The following CSNK1G1 variants were observed in gnomAD, a reference collection of about 807,000 sequenced individuals.
CSNK1G1 encodes casein kinase 1 gamma 1, also known as casein kinase I isoform gamma-1.
CSNK1G1 carries 22 observed loss-of-function variants against 59.6 expected under a neutral mutation model. The observed-to-expected ratio is 0.37, with a 90% CI of 0.26 to 0.53. The LOEUF (loss-of-function observed/expected upper bound fraction) is 0.53, where lower values mean the gene tolerates loss of function less well. Ranked by LOEUF, CSNK1G1 falls within the 20% of genes least tolerant of loss-of-function variation. The pLI is 0.89. For missense variants in CSNK1G1, 384 were observed against 519.5 expected (o/e 0.74, Z 2.54); for synonymous variants, 179 against 177.1 (o/e 1.01, Z -0.08).
chr15:64,196,677 C>A (rs1270886006), intron 10 of CSNK1G1, among the ~76,000 whole-genome samples: 1 of 152,180 alleles, frequency 6.6e-6, no homozygotes, highest in East Asian at 1.9e-4. Flanking sequence ...GTCTCGAACT[C>A]TCGACCTCAG....
At chr15:64,263,814 T>C (rs1447271627) in intron 2 of CSNK1G1, among the ~76,000 whole-genome samples, 3 of 147,182 alleles carry the variant, frequency 2.0e-5, no homozygotes, top group Non-Finnish European at 4.5e-5. Context: ...TTATGCCTTT[T>C]TGTTTACCAA....
At position 64,216,862 on chromosome 15, in the gene CSNK1G1, T is replaced by C; in HGVS notation, c.293-149A>G. 1 of 691,444 alleles carries C rather than the reference T, an allele frequency of 1.4e-6. No individual in the cohort carries two copies. Among genetic ancestry groups the C allele is most frequent in the Non-Finnish European group, 2.4e-6 (1 of 423,642 alleles). 42.8% of individuals were successfully genotyped at this position (691,444 alleles called of 1,614,324 possible). A position where few individuals can be genotyped will look rare whatever the true frequency, so the allele number is the denominator to read the frequency against. On this transcript the variant is annotated intron_variant, in intron 4 of 11. Transcript: ENST00000303052. The surrounding 1 kb of genome is among the most constrained non-coding windows in gnomAD (Gnocchi z 4.6). ...CATAGTCCCTACTGGAAACTCAAAC[T>C]GAGCACAACAGCTTCAATGGGAACT...
intron 2 of CSNK1G1, among the ~76,000 whole-genome samples, chr15:64,269,672 T>C (rs2140346689): frequency 6.6e-6 from 1 of 152,210 alleles, no homozygotes; most frequent in Admixed American, 6.5e-5. Context: ...TTTTGTATTT[T>C]TAGCAGAGAC....
At chr15:64,179,392 C>A (rs997509253) in intron 11 of CSNK1G1, among the ~76,000 whole-genome samples, 1 of 152,100 alleles carries the variant, frequency 6.6e-6, no homozygotes. Flanking sequence ...AGTGTTCTGG[C>A]TTGTATTAAG....
intron 2 of CSNK1G1, among the ~76,000 whole-genome samples, chr15:64,283,935 T>G (rs887166190): frequency 2.0e-5 from 3 of 152,194 alleles, no homozygotes; most frequent in Non-Finnish European, 1.5e-5. Flanking sequence ...GATTCATCCT[T>G]ATGTTTGTTT....
intron 2 of CSNK1G1, among the ~76,000 whole-genome samples, chr15:64,290,838 C>T (rs947303217): frequency 5.9e-5 from 9 of 152,082 alleles, no homozygotes; most frequent in African/African-American, 2.2e-4. Context: ...CTCAGCCTCC[C>T]GAGTAGCTGG....
chr15:64,191,140 C>A (rs763934654), intron 10 of CSNK1G1, among the ~76,000 whole-genome samples: 22 of 152,174 alleles, frequency 1.4e-4, no homozygotes, highest in Non-Finnish European at 2.4e-4. Context: ...CGGCTCACTG[C>A]AAGCTCCGCC....
At chr15:64,215,770 C>T (rs993434784) in intron 5 of CSNK1G1, among the ~76,000 whole-genome samples, 1 of 152,188 alleles carries the variant, frequency 6.6e-6, no homozygotes, top group Non-Finnish European at 1.5e-5. Flanking sequence ...GCCTCTTCAG[C>T]TGAAATTTGT....
intron 10 of CSNK1G1, among the ~76,000 whole-genome samples, chr15:64,192,010 C>G (rs2081978669): frequency 1.3e-5 from 2 of 152,146 alleles, no homozygotes; most frequent in African/African-American, 2.4e-5. Context: ...CCAAAGAAAG[C>G]TGACAACTAC....
Position 64,346,859 on chromosome 15 carries a change from A to G in CSNK1G1, c.-225+9129T>C, listed in dbSNP as rs74377944. ...CTTCTGCACTATGAAAGGCACTATT[A>G]AGAGAATAAAAAGACAAGCCATAGA... On this transcript the variant is annotated intron_variant, in intron 1 of 11. Transcript: ENST00000303052. Among the ~76,000 whole-genome samples, 1,029 of 152,304 alleles carry G rather than the reference A, an allele frequency of 6.8e-3. 16 individuals are homozygous for G. The highest frequency in any genetic ancestry group is 0.023 in the African/African-American group (947 of 41,572).
At chr15:64,320,950 A>G (rs1436417590) in intron 1 of CSNK1G1, among the ~76,000 whole-genome samples, 1 of 152,062 alleles carries the variant, frequency 6.6e-6, no homozygotes, top group Non-Finnish European at 1.5e-5. Context: ...GAATTCACAA[A>G]ACACAAAGGA....
intron 4 of CSNK1G1, among the ~76,000 whole-genome samples, chr15:64,244,613 T>C (rs1891654806): frequency 6.6e-6 from 1 of 152,242 alleles, no homozygotes; most frequent in South Asian, 2.1e-4. Flanking sequence ...CCAGGCATAA[T>C]GGCTCACACC....
intron 1 of CSNK1G1, among the ~76,000 whole-genome samples, chr15:64,355,279 G>C (rs1596312698): frequency 6.6e-6 from 1 of 152,078 alleles, no homozygotes; most frequent in Admixed American, 6.5e-5. Context: ...AATTAATATC[G>C]AGCTGGGAGA....
At chr15:64,346,918 T>G (rs1204502576) in intron 1 of CSNK1G1, among the ~76,000 whole-genome samples, 1 of 152,122 alleles carries the variant, frequency 6.6e-6, no homozygotes, top group Non-Finnish European at 1.5e-5. Flanking sequence ...TATATCTGAT[T>G]AAGGATTTGT....
At position 64,203,367 on chromosome 15, in the gene CSNK1G1, C is replaced by T. The variant is rs35966068; in HGVS notation, c.1000-178G>A. Among the ~76,000 whole-genome samples, 319 of 152,186 alleles carry T rather than the reference C, an allele frequency of 2.1e-3. 4 individuals are homozygous for T. Among genetic ancestry groups the T allele is most frequent in the Admixed American group, 0.011 (173 of 15,292 alleles). On this transcript the variant is annotated intron_variant, in intron 9 of 11. Transcript: ENST00000303052. The stretch of plus-strand genomic sequence containing the variant: ...ATCTGCAAAAGGGAGGCAGCCTGGT[C>T]CTTAATAGTTCATTGGAGAGTAGCT...
chr15:64,186,758 C>G (rs2081901544), intron 10 of CSNK1G1, among the ~76,000 whole-genome samples: 1 of 152,168 alleles, frequency 6.6e-6, no homozygotes, highest in Non-Finnish European at 1.5e-5. Context: ...ATCCTCCTGC[C>G]TAGGCTTCTC....
chr15:64,198,279 C>A (rs1046923629), intron 10 of CSNK1G1, among the ~76,000 whole-genome samples: 2 of 149,822 alleles, frequency 1.3e-5, no homozygotes, highest in Non-Finnish European at 3.0e-5. Flanking sequence ...CACTGGCTCA[C>A]TGCACAACCT....
chr15:64,333,630 A>T (rs1476343200), intron 1 of CSNK1G1, among the ~76,000 whole-genome samples: 1 of 152,068 alleles, frequency 6.6e-6, no homozygotes, highest in Non-Finnish European at 1.5e-5. Context: ...TGCGCCACTT[A>T]AAAGGTACAA....
intron 2 of CSNK1G1, among the ~76,000 whole-genome samples, chr15:64,278,935 T>C (rs571595247): frequency 2.0e-5 from 3 of 152,332 alleles, no homozygotes; most frequent in East Asian, 1.9e-4. Flanking sequence ...TGTTAATTAT[T>C]TGGACAATTT....
Sources: allele counts gnomAD v4.1 joint callset (sites outside exome capture counted in the v4.1 genomes callset), GRCh38; gene constraint gnomAD v4.1.1; non-coding constraint Gnocchi (gnomAD v3.1); transcripts MANE v1.5; gene names NCBI Gene and HGNC (gene_info 2026-07-23, HGNC 2026-07-21).